ITGA8: variants seen among roughly 807,000 people sequenced by gnomAD.
ITGA8 encodes integrin subunit alpha 8, also known as integrin alpha-8.
A neutral mutation model predicts 142.3 loss-of-function variants in ITGA8; 91 were observed. That is an observed-to-expected ratio of 0.64 (90% CI 0.54 to 0.76). The LOEUF is 0.76. Among genes scored for constraint, ITGA8 ranks in the 30% least tolerant of loss-of-function variants. The pLI is 0.00. For missense variants in ITGA8, 1,406 were observed against 1,327.7 expected (o/e 1.06, Z -0.92); for synonymous variants, 505 against 485.2 (o/e 1.04, Z -0.54).
At chr10:15,649,717 G>C (rs886957262) in intron 11 of ITGA8, among the ~76,000 whole-genome samples, 2 of 151,806 alleles carry the variant, frequency 1.3e-5, no homozygotes, top group African/African-American at 4.8e-5. Flanking sequence ...ATAATATGTC[G>C]TTAGGAATTG....
At chr10:15,556,561 T>G (rs1362844452) in intron 26 of ITGA8, among the ~76,000 whole-genome samples, 1 of 152,164 alleles carries the variant, frequency 6.6e-6, no homozygotes, top group African/African-American at 2.4e-5. Context: ...ATTTTATATA[T>G]CTATTGTAAT....
At chr10:15,547,184 C>G (rs1833689305) in intron 27 of ITGA8, among the ~76,000 whole-genome samples, 1 of 152,078 alleles carries the variant, frequency 6.6e-6, no homozygotes, top group African/African-American at 2.4e-5. Context: ...CCTCCCCAAA[C>G]AATAAGGTTG....
chr10:15,543,977 G>T (rs1028288026), intron 27 of ITGA8, among the ~76,000 whole-genome samples: 3 of 152,092 alleles, frequency 2.0e-5, no homozygotes, highest in Non-Finnish European at 4.4e-5. Context: ...GCCACTGAAT[G>T]CCCAGGATTA....
At chr10:15,690,850 A>C (rs1312323947) in intron 2 of ITGA8, among the ~76,000 whole-genome samples, 1 of 152,102 alleles carries the variant, frequency 6.6e-6, no homozygotes, top group Non-Finnish European at 1.5e-5. Context: ...AATGCACGCT[A>C]CCCAACCAAT....
At chr10:15,658,194 T>A (rs1205248988) in intron 10 of ITGA8, among the ~76,000 whole-genome samples, 1 of 152,066 alleles carries the variant, frequency 6.6e-6, no homozygotes, top group Non-Finnish European at 1.5e-5. Flanking sequence ...CTCAAAGAGG[T>A]CAGATGATTT....
intron 22 of ITGA8, among the ~76,000 whole-genome samples, chr10:15,591,434 A>G (rs1366087536): frequency 6.8e-6 from 1 of 148,060 alleles, no homozygotes; most frequent in Non-Finnish European, 1.5e-5. Flanking sequence ...ATTATATTAT[A>G]TTATATTATA....
chr10:15,550,346 A>G (rs1833772535), intron 26 of ITGA8, among the ~76,000 whole-genome samples: 1 of 152,198 alleles, frequency 6.6e-6, no homozygotes, highest in Non-Finnish European at 1.5e-5. Flanking sequence ...CAGCAGGAAC[A>G]GGAATTCTCA....
intron 4 of ITGA8, among the ~76,000 whole-genome samples, chr10:15,679,750 A>G (rs1054151442): frequency 1.3e-5 from 2 of 152,194 alleles, no homozygotes; most frequent in Non-Finnish European, 2.9e-5. Flanking sequence ...TCACTAACTC[A>G]TTGTCCAATA....
At chr10:15,686,876 CA>C (rs1329011613) in intron 3 of ITGA8, among the ~76,000 whole-genome samples, 4 of 151,968 alleles carry the variant, frequency 2.6e-5, no homozygotes, top group African/African-American at 9.7e-5. Context: ...AATAAATATG[CA>C]ACTATTATAT....
intron 8 of ITGA8, among the ~76,000 whole-genome samples, chr10:15,666,809 T>C (rs1165166969): frequency 6.6e-6 from 1 of 152,126 alleles, no homozygotes; most frequent in East Asian, 1.9e-4. Flanking sequence ...TGTTTATATG[T>C]TGGATTACAT....
intron 10 of ITGA8, among the ~76,000 whole-genome samples, 188 bp downstream of exon 10, chr10:15,658,811 T>C (rs1487440757): frequency 6.6e-6 from 1 of 152,188 alleles, no homozygotes; most frequent in Non-Finnish European, 1.5e-5. Flanking sequence ...GCCACCTCAC[T>C]GCTGCCTGAG....
chr10:15,628,324 G>GTTTTTTT (rs4030578), intron 13 of ITGA8, among the ~76,000 whole-genome samples: 1 of 61,578 alleles, frequency 1.6e-5, no homozygotes, highest in African/African-American at 6.8e-5. Flanking sequence ...ATTTATTTTG[G>GTTTTTTT]TTTTTTTTTT....
At chr10:15,610,692 T>A (rs944621301) in intron 15 of ITGA8, among the ~76,000 whole-genome samples, 1 of 152,188 alleles carries the variant, frequency 6.6e-6, no homozygotes, top group African/African-American at 2.4e-5. Flanking sequence ...CTGTCTATGA[T>A]GAAGAGAAAA....
chr10:15,537,868 G>A (rs1384318762), intron 27 of ITGA8, among the ~76,000 whole-genome samples: 4 of 151,688 alleles, frequency 2.6e-5, no homozygotes, highest in Non-Finnish European at 5.9e-5. Flanking sequence ...CTGTAATCCC[G>A]GTGCCTTGGA....
chr10:15,645,956 C>A (rs537410446), intron 12 of ITGA8, among the ~76,000 whole-genome samples: 44 of 152,268 alleles, frequency 2.9e-4, no homozygotes, highest in African/African-American at 1.0e-3. Context: ...GTGAAGCCTA[C>A]GTGCCAATTA....
intron 27 of ITGA8, among the ~76,000 whole-genome samples, chr10:15,531,627 A>C (rs1035137150): frequency 1.3e-5 from 2 of 152,160 alleles, no homozygotes; most frequent in Non-Finnish European, 2.9e-5. Context: ...TAGGAGAGAA[A>C]CTGGCAGTAA....
At chr10:15,661,403 A>T (rs573365620) in intron 8 of ITGA8, among the ~76,000 whole-genome samples, 1 of 152,176 alleles carries the variant, frequency 6.6e-6, no homozygotes, top group Non-Finnish European at 1.5e-5. Flanking sequence ...ACGGTTGCGG[A>T]TTGCTGATGT....
At chr10:15,560,879 G>A (rs949018923) in intron 25 of ITGA8, among the ~76,000 whole-genome samples, 2 of 152,010 alleles carry the variant, frequency 1.3e-5, no homozygotes, top group African/African-American at 4.8e-5. Flanking sequence ...TGATAATAAT[G>A]TTGTAGATTT....
chr10:15,700,546 C>T (rs754637083), intron 2 of ITGA8, among the ~76,000 whole-genome samples: 1 of 152,078 alleles, frequency 6.6e-6, no homozygotes, highest in South Asian at 2.1e-4. Context: ...AAACATGCAG[C>T]CAAACCAAAG....
Sources: gnomAD v4.1 joint callset for allele counts (sites outside exome capture counted in the v4.1 genomes callset) on GRCh38, gnomAD v4.1.1 for gene constraint, MANE v1.5 for transcripts, NCBI Gene and HGNC (gene_info 2026-07-23, HGNC 2026-07-21) for gene names.